CAPZB: variants seen among roughly 807,000 people sequenced by gnomAD.
The protein encoded by CAPZB is capping actin protein of muscle Z-line subunit beta, also known as F-actin-capping protein subunit beta.
CAPZB carries 2 observed loss-of-function variants against 38.1 expected under a neutral mutation model. That is an observed-to-expected ratio of 0.05 (90% CI 0.02 to 0.17). The LOEUF (loss-of-function observed/expected upper bound fraction) is 0.17, where lower values mean the gene tolerates loss of function less well. Among genes scored for constraint, CAPZB ranks in the 10% least tolerant of loss-of-function variants. CAPZB has a pLI of 1.00. For synonymous variants in CAPZB, 107 were observed against 127.4 expected (o/e 0.84, Z 1.08); for missense variants, 161 against 334.2 (o/e 0.48, Z 4.04).
At chr1:19,437,493 A>G (rs2094461885) in intron 1 of CAPZB, among the ~76,000 whole-genome samples, 1 of 152,174 alleles carries the variant, frequency 6.6e-6, no homozygotes, top group South Asian at 2.1e-4. Flanking sequence ...AATGTCATCA[A>G]TTGCTTCCTG....
At chr1:19,354,680 A>C (rs1186479938) in intron 6 of CAPZB, among the ~76,000 whole-genome samples, 1 of 152,236 alleles carries the variant, frequency 6.6e-6, no homozygotes, top group Non-Finnish European at 1.5e-5. Context: ...GACTCTGGCC[A>C]TGGGCTGACA....
chr1:19,339,265 G>T lies in CAPZB; in HGVS notation c.*265C>A. On this transcript the variant is annotated 3_prime_UTR_variant, in exon 9 of 9. Coordinates refer to ENST00000264202, the MANE Select transcript of CAPZB (RefSeq NM_004930.5). Reference sequence around the variant, plus strand: ...AAATGGGGGGACAGGGAGGAAGACGGGGGGCCCGGGTGAACAAAAACCACA... The same window carrying T: ...AAATGGGGGGACAGGGAGGAAGACGTGGGGCCCGGGTGAACAAAAACCACA... 2.1e-6 allele frequency: 1 copy of T among 480,422 alleles called. No homozygotes were observed. Among genetic ancestry groups the T allele is most frequent in the Non-Finnish European group, 3.7e-6 (1 of 268,930 alleles). 29.8% of individuals were successfully genotyped at this position (480,422 alleles called of 1,614,324 possible).
At chr1:19,409,269 T>C (rs1170348873) in intron 2 of CAPZB, among the ~76,000 whole-genome samples, 1 of 152,052 alleles carries the variant, frequency 6.6e-6, no homozygotes, top group Non-Finnish European at 1.5e-5. Context: ...CTGCCCTTTA[T>C]CCCTCAAGAG....
intron 1 of CAPZB, among the ~76,000 whole-genome samples, chr1:19,473,556 C>T (rs1389854966): frequency 6.6e-6 from 1 of 152,164 alleles, no homozygotes; most frequent in Non-Finnish European, 1.5e-5. Flanking sequence ...TGTACAGTAT[C>T]CTTCAGCACA....
chr1:19,402,776 G>A (rs1001115201), intron 2 of CAPZB, among the ~76,000 whole-genome samples: 11 of 152,198 alleles, frequency 7.2e-5, no homozygotes, highest in Admixed American at 4.6e-4. Flanking sequence ...GGCTGGGAGC[G>A]GTGGCTCACC....
chr1:19,358,579 CA>C (rs2094034518), intron 4 of CAPZB, among the ~76,000 whole-genome samples: 2 of 152,372 alleles, frequency 1.3e-5, no homozygotes, highest in South Asian at 4.1e-4. Flanking sequence ...TACTGTGGCT[CA>C]CTGGGACTGC....
intron 4 of CAPZB, among the ~76,000 whole-genome samples, chr1:19,366,311 A>T (rs859207): frequency 0.075 from 4,537 of 60,610 alleles, 231 homozygotes; most frequent in Non-Finnish European, 0.095. Context: ...TATATATATA[A>T]ATAAAATAAA....
chr1:19,473,976 T>C (rs1268393528), intron 1 of CAPZB, among the ~76,000 whole-genome samples: 2 of 152,104 alleles, frequency 1.3e-5, no homozygotes, highest in Non-Finnish European at 2.9e-5. Flanking sequence ...ATGGGAGAAC[T>C]AAGCTATAGC....
At chr1:19,436,499 CTA>C (rs1305117236) in intron 1 of CAPZB, among the ~76,000 whole-genome samples, 1 of 152,148 alleles carries the variant, frequency 6.6e-6, no homozygotes, top group Non-Finnish European at 1.5e-5. Context: ...AAGGGAAAAA[CTA>C]TATGCGGAGA....
chr1:19,366,380 T>C (rs1465226976), intron 4 of CAPZB, among the ~76,000 whole-genome samples: 1 of 150,480 alleles, frequency 6.6e-6, no homozygotes. Context: ...GACAAGGTCA[T>C]ACAGGCATGA....
chr1:19,471,048 T>C (rs561215533), intron 1 of CAPZB, among the ~76,000 whole-genome samples: 6 of 152,316 alleles, frequency 3.9e-5, no homozygotes, highest in African/African-American at 1.4e-4. Flanking sequence ...TACCAAACCC[T>C]ATATATACTG....
chr1:19,422,532 T>C (rs944586759), intron 1 of CAPZB, among the ~76,000 whole-genome samples: 6 of 152,018 alleles, frequency 3.9e-5, no homozygotes, highest in South Asian at 2.1e-4. Flanking sequence ...GTCAGGAGAT[T>C]GAGACCATCC....
chr1:19,459,822 G>T (rs764013304), intron 1 of CAPZB, among the ~76,000 whole-genome samples: 1 of 152,150 alleles, frequency 6.6e-6, no homozygotes, highest in African/African-American at 2.4e-5. Context: ...ACATCCTGCT[G>T]TACCGCCCCA....
At chr1:19,422,729 AAAC>A (rs60458604) in intron 1 of CAPZB, among the ~76,000 whole-genome samples, 8,716 of 150,390 alleles carry the variant, frequency 0.058, 279 homozygotes, top group African/African-American at 0.068. Context: ...TCCATCTCAA[AAAC>A]AACAACAACA....
chr1:19,339,969 C>T (rs2093919216), intron 8 of CAPZB, among the ~76,000 whole-genome samples: 1 of 152,224 alleles, frequency 6.6e-6, no homozygotes, highest in South Asian at 2.1e-4. Flanking sequence ...CACAAGGTGG[C>T]TTCTGGGCTT....
chr1:19,457,278 T>C (rs2094535921), intron 1 of CAPZB, among the ~76,000 whole-genome samples: 5 of 152,024 alleles, frequency 3.3e-5, no homozygotes, highest in Admixed American at 3.3e-4. Context: ...CACAGCACAG[T>C]TGAAGGTAGA....
chr1:19,455,353 C>A (rs1465795002), intron 1 of CAPZB, among the ~76,000 whole-genome samples: 1 of 152,204 alleles, frequency 6.6e-6, no homozygotes, highest in Non-Finnish European at 1.5e-5. Flanking sequence ...ATTTTTATTT[C>A]TTAACTCAAA....
At chr1:19,478,143 C>T (rs1049764795) in intron 1 of CAPZB, among the ~76,000 whole-genome samples, 5 of 152,128 alleles carry the variant, frequency 3.3e-5, no homozygotes, top group Non-Finnish European at 7.4e-5. Flanking sequence ...AGACCAGAAA[C>T]CCTGGGCTGC....
intron 1 of CAPZB, among the ~76,000 whole-genome samples, chr1:19,422,122 C>A (rs1466412961): frequency 6.6e-6 from 1 of 152,132 alleles, no homozygotes; most frequent in Non-Finnish European, 1.5e-5. Flanking sequence ...TAGTATTTCT[C>A]AACTAGGGAT....
Sources: gnomAD v4.1 joint callset for allele counts (sites outside exome capture counted in the v4.1 genomes callset) on GRCh38, gnomAD v4.1.1 for gene constraint, MANE v1.5 for transcripts, NCBI Gene and HGNC (gene_info 2026-07-23, HGNC 2026-07-21) for gene names.